Variants in NBPF20 observed in about 807,000 individuals in gnomAD.
The protein encoded by NBPF20 is NBPF family member NBPF20.
A neutral mutation model predicts 68.1 loss-of-function variants in NBPF20; 90 were observed. That is an observed-to-expected ratio of 1.32 (90% CI 1.11 to 1.58). The LOEUF (loss-of-function observed/expected upper bound fraction) is 1.58. Among genes scored for constraint, NBPF20 ranks in the 40% most tolerant of loss-of-function variants. NBPF20 has a pLI of 0.00. For missense variants in NBPF20, 816 were observed against 601.2 expected (o/e 1.36, Z -3.74); for synonymous variants, 290 against 228.1 (o/e 1.27, Z -2.45).
At chr1:145,407,496 ATATAAT>A (rs1160187437), upstream of NBPF20, among the ~76,000 whole-genome samples, 1 of 146,468 alleles carries the variant, frequency 6.8e-6, no homozygotes, top group Non-Finnish European at 1.5e-5. Context: ...ACATGAATAT[ATATAAT>A]ATATATACGT....
intron 109 of NBPF20, among the ~76,000 whole-genome samples, 191 bp from the exon 115 acceptor site, chr1:145,314,195 CA>C (rs1661512973): frequency 1.4e-5 from 2 of 138,574 alleles, no homozygotes; most frequent in Admixed American, 1.4e-4. Flanking sequence ...AAGAGAAAGA[CA>C]GATAGACACA....
intron 3 of NBPF20, 115 bp from the exon 9 acceptor site, chr1:145,402,496 A>C (rs1471609217): frequency 9.4e-7 from 1 of 1,063,080 alleles, no homozygotes; most frequent in Admixed American, 1.7e-5. Flanking sequence ...GCAGAAGGTC[A>C]GCACATGTTT....
chr1:145,291,033 G>C (rs1164057728), exon 138 of NBPF20: 2 of 198,320 alleles, frequency 1.0e-5, no homozygotes, highest in East Asian at 1.3e-4. Flanking sequence ...AGAGCAGTTG[G>C]TGGTTCTGAA....
chr1:145,291,696 G>A (rs782499352), exon 138 of NBPF20: 6 of 1,611,912 alleles, frequency 3.7e-6, no homozygotes, highest in Non-Finnish European at 5.1e-6. Context: ...TACATTGACG[G>A]AGTAGAATAA....
intron 6 of NBPF20, 39 bp downstream of exon 11, chr1:145,400,350 C>G: frequency 6.2e-7 from 1 of 1,611,548 alleles, no homozygotes; most frequent in Non-Finnish European, 8.5e-7. Context: ...CTTCCTCAGC[C>G]TAGAGAGAGG....
At chr1:145,394,936 C>T in intron 8 of NBPF20, 42 bp downstream of exon 13, 3 of 1,611,628 alleles carry the variant, frequency 1.9e-6, no homozygotes, top group South Asian at 2.2e-5. Flanking sequence ...TCTACCTGGG[C>T]CATGAACTGG....
chr1:145,422,881 C>T, the NBPF20 span, among the ~76,000 whole-genome samples: 1 of 149,320 alleles, frequency 6.7e-6, no homozygotes, highest in Non-Finnish European at 1.5e-5. Flanking sequence ...CGCAGCTACT[C>T]AGGAGGCTGA....
chr1:145,312,418 G>T, intron 111 of NBPF20, 38 bp from the exon 117 acceptor site: 1 of 42,362 alleles, frequency 2.4e-5, no homozygotes, highest in African/African-American at 2.0e-3. Flanking sequence ...AAGCCAGGGG[G>T]AATCAGAAAC....
chr1:145,403,820 A>G (rs1662638699), intron 2 of NBPF20, among the ~76,000 whole-genome samples: 1 of 151,936 alleles, frequency 6.6e-6, no homozygotes, highest in Non-Finnish European at 1.5e-5. Flanking sequence ...TTTAAGAATC[A>G]TATCTGAAGC....
chr1:145,309,445 G>C lies in NBPF20; in HGVS notation c.13938-197C>G, dbSNP rs1224034827. Among the ~76,000 whole-genome samples the C allele has an allele frequency of 2.9e-4, 13 of 44,408 alleles. 1 individual carries two copies. In the South Asian group the frequency reaches 5.7e-3, roughly 19 times the overall value. 29.1% of individuals were successfully genotyped at this position (44,408 alleles called of 152,430 possible). ...AAAGAATGAAAGAGAAAGACAGATA[G>C]ACACACACACACACACACACACACA... On this transcript the variant is annotated intron_variant, in intron 115 of 137. Coordinates refer to ENST00000369373, the Ensembl canonical transcript of NBPF20.
chr1:145,411,697 T>A, the NBPF20 span, among the ~76,000 whole-genome samples: 1 of 91,450 alleles, frequency 1.1e-5, no homozygotes, highest in Non-Finnish European at 2.2e-5. Flanking sequence ...GTCTGTTGAA[T>A]TTATTTATAA....
chr1:145,397,860 C>T (rs1307263338), intron 7 of NBPF20, among the ~76,000 whole-genome samples: 1 of 152,122 alleles, frequency 6.6e-6, no homozygotes, highest in Non-Finnish European at 1.5e-5. Flanking sequence ...CAGAGACACA[C>T]ATAGGCTCAA....
chr1:145,291,016 ATTGTCAAGAGCAG>A (rs1661030585), exon 138 of NBPF20: 1 of 185,374 alleles, frequency 5.4e-6, no homozygotes, highest in Non-Finnish European at 1.1e-5. Flanking sequence ...CGGGTTAACA[ATTGTCAAGAGCAG>A]TTGGTGGTTC....
In NBPF20 at chr1:145,295,987, G is replaced by A. The variant is rs1355952782; in HGVS notation, c.16138+351C>T. On this transcript the variant is annotated intron_variant, in intron 132 of 137. Coordinates refer to ENST00000369373, the Ensembl canonical transcript of NBPF20. ...AAATACTCAGATTGTTCACGGTATC[G>A]AGGATTTTAGACGCTGAAATTAGAG... The A allele has an allele frequency of 3.2e-3, 520 of 161,056 alleles. 145 individuals carry two copies. Among genetic ancestry groups the A allele is most frequent in the Middle Eastern group, 5.3e-3 (2 of 378 alleles). The allele number at this position is 161,056 out of a possible 1,614,324, so 10.0% of individuals were successfully genotyped here.
intron 115 of NBPF20, among the ~76,000 whole-genome samples, chr1:145,309,477 C>G (rs1337509971): frequency 4.0e-5 from 3 of 74,548 alleles, no homozygotes; most frequent in African/African-American, 1.4e-4. Context: ...CACACACACA[C>G]ACAGACACAC....
At chr1:145,419,081 GAGGA>G in the NBPF20 span, among the ~76,000 whole-genome samples, 1,165 of 132,776 alleles carry the variant, frequency 8.8e-3, 15 homozygotes, top group African/African-American at 0.032. Context: ...GGAAGGGAGG[GAGGA>G]AGGAAGGAAG....
intron 136 of NBPF20, 95 bp from the exon 142 acceptor site, chr1:145,292,584 C>T (rs1156457583): frequency 1.3e-5 from 10 of 744,224 alleles, no homozygotes; most frequent in Admixed American, 7.5e-5. Flanking sequence ...ACCTCAGGCT[C>T]CCCAGCATAA....
At chr1:145,394,202 T>G (rs1662098785) in intron 8 of NBPF20, among the ~76,000 whole-genome samples, 1 of 151,916 alleles carries the variant, frequency 6.6e-6, no homozygotes, top group African/African-American at 2.4e-5. Flanking sequence ...AAATGAGAAA[T>G]TTTTTCCCCA....
chr1:145,395,541 G>A (rs1341246012), intron 7 of NBPF20, among the ~76,000 whole-genome samples: 9 of 147,586 alleles, frequency 6.1e-5, no homozygotes, highest in South Asian at 2.2e-4. Flanking sequence ...TGTATTAAGG[G>A]CCCCATTTTC....
Sources: allele counts gnomAD v4.1 joint callset (sites outside exome capture counted in the v4.1 genomes callset), GRCh38; gene constraint gnomAD v4.1.1; transcripts MANE v1.5; gene names NCBI Gene and HGNC (gene_info 2026-07-23, HGNC 2026-07-21).